Variants in SCN3A observed in about 807,000 individuals in gnomAD.
SCN3A encodes the protein sodium channel protein type 3 subunit alpha.
SCN3A carries 60 observed loss-of-function variants against 187.6 expected under a neutral mutation model. That is an observed-to-expected ratio of 0.32 (90% confidence interval 0.26 to 0.40). SCN3A has a LOEUF of 0.40. SCN3A is among the 10% of genes least tolerant of loss of function. The pLI is 1.00. For missense variants in SCN3A, 1,601 were observed against 2,428.2 expected, an observed-to-expected ratio of 0.66 and a Z score of 7.16; for synonymous variants, 788 against 829.2, an observed-to-expected ratio of 0.95 and a Z score of 0.85.
chr2:165,155,797 T>A lies in SCN3A; in HGVS notation c.1138A>T (p.Met380Leu). Residue 380 changes from methionine (M) to leucine (L), a missense_variant, in exon 10 of 28, where the codon ATG (methionine) becomes TTG (leucine). Physicochemically the swap from Met to Leu is conservative, Grantham distance 15 (BLOSUM62 2). Coordinates refer to ENST00000283254, the MANE Select transcript of SCN3A (RefSeq NM_006922.4). ...SWAFLSLFRL[M>L]TQDYWENLYQ... is the part of the protein sequence containing the mutation. Reference sequence around the variant, plus strand: ...AGATTTTCCCAGTAGTCTTGAGTCATGAGTCGAAATAGAGACAGGAAAGCC... The same window carrying A: ...AGATTTTCCCAGTAGTCTTGAGTCAAGAGTCGAAATAGAGACAGGAAAGCC... 6.2e-7 allele frequency: 1 copy of A among 1,614,148 alleles called. No individual in the cohort carries two copies. Among genetic ancestry groups the A allele is most frequent in the South Asian group, 1.1e-5 (1 of 91,078 alleles).
intron 21 of SCN3A, among the ~76,000 whole-genome samples, chr2:165,100,958 CT>C (rs1432110368): frequency 6.6e-6 from 1 of 152,106 alleles, no homozygotes; most frequent in Non-Finnish European, 1.5e-5. Context: ...GTCAGATATA[CT>C]TTAGCCAAAA....
Position 165,139,397 on chromosome 2 carries a change from A to G in SCN3A, c.2152+79T>C, listed in dbSNP as rs1045428557. 118 of 1,592,682 alleles carry G rather than the reference A, an allele frequency of 7.4e-5. 1 individual carries two copies. The African/African-American group carries it at 1.5e-3, about 20-fold the overall frequency. On this transcript the variant is annotated intron_variant, in intron 14 of 27. Coordinates refer to ENST00000283254, the MANE Select transcript of SCN3A (RefSeq NM_006922.4). Reference sequence around the variant, plus strand: ...AGTTTCGATCTGGGTAACAGACTTCAGTAATTCTATGAAAAGAAGGAATAG... The same window carrying G: ...AGTTTCGATCTGGGTAACAGACTTCGGTAATTCTATGAAAAGAAGGAATAG...
At chr2:165,097,176 A>G in intron 23 of SCN3A, 76 bp downstream of exon 23, 1 of 1,560,044 alleles carries the variant, frequency 6.4e-7, no homozygotes, top group Non-Finnish European at 8.8e-7. Context: ...AGTCATTCAA[A>G]CGAAGAACAT....
At chr2:165,096,580 C>T in intron 23 of SCN3A, 60 bp from the exon 24 acceptor site, 1 of 1,227,710 alleles carries the variant, frequency 8.1e-7, no homozygotes. Context: ...GACATTTAAC[C>T]AGATGAAAAT....
chr2:165,091,434 A>C, intron 27 of SCN3A, 89 bp from the exon 28 acceptor site: 2 of 1,458,630 alleles, frequency 1.4e-6, no homozygotes, highest in African/African-American at 1.4e-5. Flanking sequence ...AACACAACAA[A>C]CTTGTTATGA....
intron 3 of SCN3A, among the ~76,000 whole-genome samples, chr2:165,171,742 A>G (rs749119521): frequency 7.9e-5 from 12 of 152,046 alleles, no homozygotes; most frequent in Non-Finnish European, 1.6e-4. Context: ...ACTCTTTTAC[A>G]TGTTGCTTGT....
At chr2:165,188,698 G>C (rs1395829163) in intron 1 of SCN3A, among the ~76,000 whole-genome samples, 1 of 150,646 alleles carries the variant, frequency 6.6e-6, no homozygotes, top group African/African-American at 2.4e-5. Flanking sequence ...GGAGGCTGAC[G>C]CACAGGAGAA....
chr2:165,099,969 C>T (rs991925265), intron 22 of SCN3A, among the ~76,000 whole-genome samples: 3 of 152,162 alleles, frequency 2.0e-5, no homozygotes, highest in African/African-American at 4.8e-5. Context: ...CTCCCCACCA[C>T]GGATGAATGT....
In SCN3A at chr2:165,090,135, A is replaced by G. The variant is rs1559172802; in HGVS notation, c.*15T>C. ...CTGTAAACAATTGATCACAAAGATA[A>G]TTCTTTGTTTCTTTTTACTTTTGAT... On this transcript the variant is annotated 3_prime_UTR_variant, in exon 28 of 28. Coordinates refer to ENST00000283254, the MANE Select transcript of SCN3A (RefSeq NM_006922.4). The surrounding 1 kb of genome is among the most constrained non-coding windows in gnomAD (Gnocchi z 4.0). 1 of 1,559,972 alleles carries G rather than the reference A, an allele frequency of 6.4e-7. No homozygotes were observed. Among genetic ancestry groups the G allele is most frequent in the African/African-American group, 1.4e-5 (1 of 73,860 alleles).
At chr2:165,191,100 G>C (rs893304483) in intron 1 of SCN3A, among the ~76,000 whole-genome samples, 1 of 140,114 alleles carries the variant, frequency 7.1e-6, no homozygotes, top group African/African-American at 2.6e-5. Context: ...CATGTATACT[G>C]GGCATATCAC....
At chr2:165,134,348 C>CT (rs1316909610) in intron 15 of SCN3A, among the ~76,000 whole-genome samples, 1 of 152,202 alleles carries the variant, frequency 6.6e-6, no homozygotes, top group African/African-American at 2.4e-5. Context: ...CAGTTTATGA[C>CT]TGTAAAGTCA....
intron 1 of SCN3A, chr2:165,195,277 G>A (rs925325647): frequency 2.6e-5 from 4 of 152,342 alleles, no homozygotes; most frequent in Admixed American, 1.3e-4. Context: ...GATGCCAGGA[G>A]GGAGAGATGC....
At chr2:165,195,782 C>A (rs1297655105) in intron 1 of SCN3A, among the ~76,000 whole-genome samples, 1 of 152,050 alleles carries the variant, frequency 6.6e-6, no homozygotes, top group African/African-American at 2.4e-5. Context: ...CCATTCCTTA[C>A]CAATGCATAA....
In SCN3A at chr2:165,176,315, T is replaced by G. The variant is rs1259701704; in HGVS notation, c.80A>C (p.Lys27Thr). The G allele has an allele frequency of 5.6e-6, 9 of 1,613,954 alleles. No homozygotes were observed. The highest frequency in any genetic ancestry group is 7.6e-6 in the Non-Finnish European group (9 of 1,180,006). Residue 27 changes from lysine (K) to threonine (T), a missense_variant, in exon 3 of 28, where the codon AAA (lysine) becomes ACA (threonine). By Grantham distance (78) the Lys-to-Thr change is moderately conservative (BLOSUM62 -1). Coordinates refer to ENST00000283254, the MANE Select transcript of SCN3A (RefSeq NM_006922.4). The stretch of plus-strand genomic sequence containing the variant: ...CTTGGCTTTCTCTTCTGCAGCACGT[T>G]TTTCGATAGCAGCAAGAGATTCTCT... ...FTRESLAAIEKRAAEEKAKKP... is the reference protein window; with the variant it reads ...FTRESLAAIETRAAEEKAKKP...
At position 165,158,500 on chromosome 2, in the gene SCN3A, C is replaced by T. The variant is rs1689192833; in HGVS notation, c.1032-2597G>A. Among the ~76,000 whole-genome samples, 2 of 135,948 alleles carry T rather than the reference C, an allele frequency of 1.5e-5. 1 individual carries two copies. The highest frequency in any genetic ancestry group is 6.0e-5 in the African/African-American group (2 of 33,142). The allele number at this position is 135,948 out of a possible 152,430, so 89.2% of individuals were successfully genotyped here. ...CAAATGCATTAAGTTTCATATTCAC[C>T]ATTATAGAATCTTAGAGAACAGGTT... On this transcript the variant is annotated intron_variant, in intron 9 of 27. Transcript: ENST00000283254.
At chr2:165,182,458 G>T (rs948288071) in intron 2 of SCN3A, among the ~76,000 whole-genome samples, 1 of 152,060 alleles carries the variant, frequency 6.6e-6, no homozygotes, top group African/African-American at 2.4e-5. Flanking sequence ...GAACCTAAAG[G>T]GTGAGCACAG....
chr2:165,113,030 C>T lies in SCN3A; in HGVS notation c.3698G>A (p.Arg1233Gln), dbSNP rs1442271712. ...LAFEDIYIEQ[R>Q]KTIKTMLEYA... ...TTCTAGCATGGTTTTGATAGTCTTT[C>T]GCTGTTCAATGTATATATCTTCAAA... The change falls in exon 21 of 28, where the codon CGA (arginine) becomes CAA (glutamine). Residue 1233 changes from arginine to glutamine, a missense_variant. Physicochemically the swap from Arg to Gln is conservative, Grantham distance 43 (BLOSUM62 1). Coordinates refer to ENST00000283254, the MANE Select transcript of SCN3A (RefSeq NM_006922.4). The T allele has an allele frequency of 6.2e-6, 10 of 1,612,278 alleles. No individual in the cohort carries two copies. Among genetic ancestry groups the T allele is most frequent in the East Asian group, 2.2e-5 (1 of 44,772 alleles).
chr2:165,130,107 A>C lies in SCN3A; in HGVS notation c.2755T>G (p.Cys919Gly). Residue 919 changes from cysteine (C) to glycine (G), a missense_variant, in exon 17 of 28, where the codon TGT becomes GGT. Physicochemically the swap from Cys to Gly is radical, Grantham distance 159 (BLOSUM62 -3). This residue lies in a region of SCN3A where 91 missense variants were observed against 207.0 expected (regional missense o/e 0.44). Transcript: ENST00000283254. The part of the protein sequence containing the change: ...KECVCKINDD[C>G]TLPRWHMNDF... ...TTCATGTGCCACCGTGGGAGCGTACAGTCATCATTGATCTTGCAGACACAT... is the reference window on the plus strand; with the variant it reads ...TTCATGTGCCACCGTGGGAGCGTACCGTCATCATTGATCTTGCAGACACAT... The C allele has an allele frequency of 6.2e-7, 1 of 1,614,172 alleles. No individual in the cohort carries two copies. Among genetic ancestry groups the C allele is most frequent in the Non-Finnish European group, 8.5e-7 (1 of 1,180,028 alleles).
chr2:165,100,458 A>C, intron 21 of SCN3A, 34 bp from the exon 22 acceptor site: 1 of 1,605,548 alleles, frequency 6.2e-7, no homozygotes, highest in Non-Finnish European at 8.5e-7. Flanking sequence ...TTAGTTCACC[A>C]AGAAATAAAC....
Sources: gnomAD v4.1 joint callset for allele counts (sites outside exome capture counted in the v4.1 genomes callset) on GRCh38, gnomAD v4.1.1 for gene constraint, gnomAD v4.1.1 regional missense constraint, Gnocchi (gnomAD v3.1) non-coding constraint, MANE v1.5 for transcripts, NCBI Gene and HGNC (gene_info 2026-07-23, HGNC 2026-07-21) for gene names.